ADARB1: variants seen among roughly 807,000 people sequenced by gnomAD.
ADARB1 encodes the protein double-stranded RNA-specific editase 1.
Under a neutral mutation model 52.4 loss-of-function variants are expected in ADARB1, and 10 were observed. The observed-to-expected ratio is 0.19, with a 90% CI of 0.12 to 0.32. The LOEUF is 0.32. ADARB1 is among the 10% of genes least tolerant of loss of function. ADARB1 has a pLI of 1.00. For synonymous variants in ADARB1, 349 were observed against 371.1 expected (o/e 0.94, Z 0.68); for missense variants, 643 against 922.3 (o/e 0.70, Z 3.92).
intron 8 of ADARB1, among the ~76,000 whole-genome samples, chr21:45,186,257 T>C (rs1341220167): frequency 1.3e-5 from 2 of 152,248 alleles, no homozygotes; most frequent in South Asian, 4.1e-4. Context: ...TTTCTGTTGC[T>C]CTAACCAACA....
chr21:45,165,497 A>G (rs2091216616), intron 2 of ADARB1, among the ~76,000 whole-genome samples: 1 of 152,218 alleles, frequency 6.6e-6, no homozygotes, highest in African/African-American at 2.4e-5. Context: ...AGCAGCTTGC[A>G]GGGACGGTTT....
At chr21:45,158,416 A>G (rs1397301392) in intron 2 of ADARB1, among the ~76,000 whole-genome samples, 1 of 152,238 alleles carries the variant, frequency 6.6e-6, no homozygotes, top group Non-Finnish European at 1.5e-5. Context: ...TCTAGGCCTT[A>G]TAAAACACAT....
chr21:45,116,343 G>A (rs2087823522), intron 1 of ADARB1, among the ~76,000 whole-genome samples: 1 of 152,264 alleles, frequency 6.6e-6, no homozygotes, highest in Admixed American at 6.5e-5. Flanking sequence ...TAAGTCTTTG[G>A]AGAAAACTCT....
intron 2 of ADARB1, among the ~76,000 whole-genome samples, chr21:45,129,225 T>G: frequency 6.6e-6 from 1 of 151,552 alleles, no homozygotes; most frequent in East Asian, 1.9e-4. Flanking sequence ...CAAGACTCTT[T>G]CTCAAAAAAA....
intron 1 of ADARB1, among the ~76,000 whole-genome samples, chr21:45,102,144 G>A (rs957569949): frequency 1.3e-5 from 2 of 152,130 alleles, no homozygotes; most frequent in Non-Finnish European, 2.9e-5. Context: ...CTCCCTCTTC[G>A]GCCTCCCAAG....
intron 2 of ADARB1, among the ~76,000 whole-genome samples, chr21:45,150,380 AT>A (rs1484471009): frequency 6.6e-6 from 1 of 152,228 alleles, no homozygotes; most frequent in Non-Finnish European, 1.5e-5. Context: ...AAAAATTATA[AT>A]TTTTTGTGTT....
At chr21:45,120,098 C>T (rs541236924) in intron 1 of ADARB1, among the ~76,000 whole-genome samples, 8 of 152,242 alleles carry the variant, frequency 5.3e-5, no homozygotes, top group African/African-American at 1.2e-4. Flanking sequence ...TTTAGTGCCC[C>T]GTAATAATTC....
chr21:45,150,355 A>G (rs2145943519), intron 2 of ADARB1, among the ~76,000 whole-genome samples: 1 of 152,384 alleles, frequency 6.6e-6, no homozygotes, highest in Non-Finnish European at 1.5e-5. Flanking sequence ...TTGAATTTTA[A>G]GGAAATAACA....
chr21:45,132,969 T>G (rs1334604989), intron 2 of ADARB1, among the ~76,000 whole-genome samples: 1 of 152,216 alleles, frequency 6.6e-6, no homozygotes, highest in Admixed American at 6.5e-5. Flanking sequence ...AAAGCCACAG[T>G]CAGCGTTTCC....
At chr21:45,116,406 C>T (rs1339243820) in intron 1 of ADARB1, among the ~76,000 whole-genome samples, 1 of 152,216 alleles carries the variant, frequency 6.6e-6, no homozygotes, top group East Asian at 1.9e-4. Context: ...AAACAGTATG[C>T]TTATTACAGA....
intron 2 of ADARB1, among the ~76,000 whole-genome samples, chr21:45,130,903 C>T (rs1319617682): frequency 6.6e-6 from 1 of 152,138 alleles, no homozygotes; most frequent in African/African-American, 2.4e-5. Context: ...AGTAATTCCC[C>T]TGCGCAAGAG....
chr21:45,104,595 T>G (rs925652758), intron 1 of ADARB1, among the ~76,000 whole-genome samples: 1 of 152,208 alleles, frequency 6.6e-6, no homozygotes, highest in African/African-American at 2.4e-5. Flanking sequence ...TCATACTTAC[T>G]AGCAATAACC....
At chr21:45,159,504 C>T (rs944495441) in intron 2 of ADARB1, among the ~76,000 whole-genome samples, 6 of 152,142 alleles carry the variant, frequency 3.9e-5, no homozygotes, top group South Asian at 4.1e-4. Flanking sequence ...TCTTCCAATT[C>T]GTAGTACTAG....
At position 45,222,990 on chromosome 21, in the gene ADARB1, A is replaced by G. The variant is rs2092991808; in HGVS notation, c.*793A>G. ...AACTTTTCTCAGTTTACTTCTAAGTAATCACAGATAATACATGGCCAGTAA... is the reference window on the plus strand; with the variant it reads ...AACTTTTCTCAGTTTACTTCTAAGTGATCACAGATAATACATGGCCAGTAA... On this transcript the variant is annotated 3_prime_UTR_variant, in exon 11 of 11. Transcript: ENST00000348831. 2 of 985,474 alleles carry G rather than the reference A, an allele frequency of 2.0e-6. No homozygotes were observed. Among genetic ancestry groups the G allele is most frequent in the Non-Finnish European group, 2.4e-6 (2 of 829,936 alleles). The allele number at this position is 985,474 out of a possible 1,614,324, so 61.0% of individuals were successfully genotyped here.
intron 1 of ADARB1, among the ~76,000 whole-genome samples, chr21:45,126,547 G>A (rs189504134): frequency 3.3e-5 from 5 of 152,204 alleles, no homozygotes; most frequent in South Asian, 2.1e-4. Flanking sequence ...CATCTGCGGC[G>A]GGTGTTCCTT....
At chr21:45,089,032 G>A (rs2086458196) in intron 1 of ADARB1, among the ~76,000 whole-genome samples, 2 of 152,328 alleles carry the variant, frequency 1.3e-5, no homozygotes, top group South Asian at 4.1e-4. Flanking sequence ...ATGACTAACT[G>A]TGGCCTGTGA....
chr21:45,182,769 A>G lies in ADARB1; in HGVS notation c.1247+16A>G, dbSNP rs1335376382. On this transcript the variant is annotated intron_variant, in intron 6 of 10. Coordinates refer to ENST00000348831, the MANE Select transcript of ADARB1 (RefSeq NM_001112.4). ...TTTACTTAAAGTAAGTTTAGTAAAC[A>G]AATAAGGACAGGAAGCTCTTTTTAA... The G allele has an allele frequency of 6.4e-7, 1 of 1,560,484 alleles. No homozygotes were observed. Among genetic ancestry groups the G allele is most frequent in the Middle Eastern group, 1.7e-4 (1 of 5,830 alleles).
chr21:45,179,593 G>A (rs1272790622), intron 4 of ADARB1, among the ~76,000 whole-genome samples: 1 of 152,240 alleles, frequency 6.6e-6, no homozygotes, highest in African/African-American at 2.4e-5. Context: ...TAATACAGAT[G>A]TCTGTCTGAC....
chr21:45,196,783 C>T (rs1467536936), intron 8 of ADARB1, among the ~76,000 whole-genome samples: 1 of 152,226 alleles, frequency 6.6e-6, no homozygotes, highest in African/African-American at 2.4e-5. Flanking sequence ...CACAACACAT[C>T]TCTTGGAGTG....
Sources: allele counts gnomAD v4.1 joint callset (sites outside exome capture counted in the v4.1 genomes callset), GRCh38; gene constraint gnomAD v4.1.1; transcripts MANE v1.5; gene names NCBI Gene and HGNC (gene_info 2026-07-23, HGNC 2026-07-21).